The following UGGT2 variants were observed in gnomAD, a reference collection of about 807,000 sequenced individuals.
UGGT2 encodes UDP-glucose:glycoprotein glucosyltransferase 2.
A neutral mutation model predicts 192.1 loss-of-function variants in UGGT2; 180 were observed. The observed-to-expected ratio is 0.94, with a 90% CI of 0.83 to 1.06. The LOEUF (loss-of-function observed/expected upper bound fraction) is 1.06, where lower values mean the gene tolerates loss of function less well. Ranked by LOEUF, UGGT2 falls within the 50% of genes least tolerant of loss-of-function variation. The probability of loss-of-function intolerance (pLI) is 0.00; values close to 1 mark genes in which losing one functional copy is unlikely to be tolerated. For synonymous variants in UGGT2, 580 were observed against 591.0 expected, an observed-to-expected ratio of 0.98 and a Z score of 0.27; for missense variants, 1,849 against 1,795.7, an observed-to-expected ratio of 1.03 and a Z score of -0.54.
chr13:96,003,708 G>A (rs1198949419), intron 5 of UGGT2, among the ~76,000 whole-genome samples: 1 of 152,146 alleles, frequency 6.6e-6, no homozygotes, highest in Non-Finnish European at 1.5e-5. Flanking sequence ...CTATCAGCCT[G>A]AACTGCCACA....
chr13:95,966,105 T>C (rs2050571807), intron 12 of UGGT2, among the ~76,000 whole-genome samples: 1 of 152,212 alleles, frequency 6.6e-6, no homozygotes, highest in Non-Finnish European at 1.5e-5. Context: ...CTGTTTATTA[T>C]AGCACTATTC....
intron 20 of UGGT2, among the ~76,000 whole-genome samples, chr13:95,917,269 C>T (rs139848811): frequency 1.2e-4 from 18 of 152,184 alleles, no homozygotes; most frequent in African/African-American, 4.3e-4. Flanking sequence ...AAATAATTTC[C>T]AATTCATTTC....
At position 95,970,129 on chromosome 13, in the gene UGGT2, G is replaced by A. The variant is rs147244556; in HGVS notation, c.1318C>T (p.Arg440Ter). The A allele has an allele frequency of 3.1e-5, 50 of 1,607,992 alleles. No homozygotes were observed. The highest frequency in any genetic ancestry group is 9.3e-5 in the African/African-American group (7 of 74,878). The change falls in exon 12 of 39, where the codon CGA (arginine) becomes TGA (stop). Residue 440 changes from arginine to a stop codon, truncating the protein, a stop_gained. Transcript: ENST00000376747. LOFTEE classifies it high-confidence loss of function. ...GCACTTACCATTATAGAAGAATGTCGAATATCTAATACATAAGTATATTCC... is the reference window on the plus strand; with the variant it reads ...GCACTTACCATTATAGAAGAATGTCAAATATCTAATACATAAGTATATTCC... The part of the protein sequence containing the change: ...IWEYTYVLDI[R>*]HSSIMWINDL...
intron 10 of UGGT2, among the ~76,000 whole-genome samples, chr13:95,982,566 C>G (rs905152090): frequency 6.6e-6 from 1 of 152,116 alleles, no homozygotes; most frequent in African/African-American, 2.4e-5. Flanking sequence ...AAATCAGACA[C>G]CGCCTCCTCA....
intron 33 of UGGT2, among the ~76,000 whole-genome samples, chr13:95,858,777 C>T (rs1889871937): frequency 6.6e-6 from 1 of 152,088 alleles, no homozygotes; most frequent in Non-Finnish European, 1.5e-5. Flanking sequence ...ACTGTGCAAG[C>T]TAGTTACGTA....
chr13:95,995,933 A>G, intron 7 of UGGT2, 130 bp downstream of exon 7: 2 of 754,954 alleles, frequency 2.6e-6, no homozygotes, highest in East Asian at 2.7e-5. Context: ...AATAAAAACA[A>G]TCGTATGTGT....
chr13:95,915,614 A>G (rs2048657449), intron 20 of UGGT2, among the ~76,000 whole-genome samples: 1 of 152,252 alleles, frequency 6.6e-6, no homozygotes, highest in African/African-American at 2.4e-5. Context: ...AGTCAGGGTT[A>G]TAAGGACAGA....
At chr13:95,821,554 C>A (rs963559921) in intron 38 of UGGT2, among the ~76,000 whole-genome samples, 1 of 152,098 alleles carries the variant, frequency 6.6e-6, no homozygotes, top group Non-Finnish European at 1.5e-5. Flanking sequence ...ATGATTATTT[C>A]TTTTGCCATG....
chr13:95,868,471 G>A (rs998941610), intron 29 of UGGT2, among the ~76,000 whole-genome samples: 8 of 152,062 alleles, frequency 5.3e-5, no homozygotes, highest in African/African-American at 1.7e-4. Flanking sequence ...GGTGGCCAGC[G>A]CTGTGGTCCC....
At chr13:95,893,816 G>C (rs948177155) in intron 24 of UGGT2, among the ~76,000 whole-genome samples, 3 of 152,122 alleles carry the variant, frequency 2.0e-5, no homozygotes, top group African/African-American at 7.2e-5. Flanking sequence ...GAGAATATGG[G>C]CATAGAAATC....
At chr13:95,939,505 G>A (rs1311977141) in intron 16 of UGGT2, among the ~76,000 whole-genome samples, 3 of 122,164 alleles carry the variant, frequency 2.5e-5, no homozygotes, top group African/African-American at 9.2e-5. Context: ...GGCTCTTTCC[G>A]AATCTTCTGG....
chr13:95,904,827 G>A (rs1594282566), intron 20 of UGGT2, among the ~76,000 whole-genome samples: 2 of 151,694 alleles, frequency 1.3e-5, no homozygotes, highest in East Asian at 3.9e-4. Context: ...GGGATGGCTG[G>A]GTCAAATGGT....
At chr13:95,843,252 A>T (rs1027582987) in intron 36 of UGGT2, among the ~76,000 whole-genome samples, 4 of 152,224 alleles carry the variant, frequency 2.6e-5, no homozygotes, top group Non-Finnish European at 5.9e-5. Context: ...ATGTATGCGA[A>T]TTCTAGCAGG....
At chr13:95,811,143 C>T (rs1025110390) in intron 38 of UGGT2, among the ~76,000 whole-genome samples, 1 of 152,042 alleles carries the variant, frequency 6.6e-6, no homozygotes, top group Non-Finnish European at 1.5e-5. Flanking sequence ...TCCTCATATA[C>T]CTCTGGTGGA....
chr13:95,953,196 G>A (rs999881102), intron 12 of UGGT2, among the ~76,000 whole-genome samples: 1 of 152,188 alleles, frequency 6.6e-6, no homozygotes, highest in African/African-American at 2.4e-5. Context: ...TACCATCAAA[G>A]TGCAAAGCAA....
intron 30 of UGGT2, 100 bp downstream of exon 30, chr13:95,867,239 T>C (rs879031228): frequency 4.7e-5 from 50 of 1,074,284 alleles, no homozygotes; most frequent in Admixed American, 2.1e-4. Flanking sequence ...GGTTGTAAAA[T>C]TGTAAAGTTA....
intron 23 of UGGT2, among the ~76,000 whole-genome samples, 163 bp downstream of exon 23, chr13:95,895,017 T>C (rs1374025867): frequency 6.6e-6 from 1 of 152,164 alleles, no homozygotes; most frequent in African/African-American, 2.4e-5. Flanking sequence ...AGTTTTGTGA[T>C]GGTGAGTAAA....
chr13:95,832,917 G>A lies in UGGT2; in HGVS notation c.4528+10C>T. On this transcript the variant is annotated intron_variant, in intron 38 of 38. Coordinates refer to ENST00000376747, the MANE Select transcript of UGGT2 (RefSeq NM_020121.4). ...CATGTTTCAGACATCACAACACGTTGATGACTTACTTGTATCTTGCTTCTT... is the reference window on the plus strand; with the variant it reads ...CATGTTTCAGACATCACAACACGTTAATGACTTACTTGTATCTTGCTTCTT... The A allele has an allele frequency of 6.2e-7, 1 of 1,611,556 alleles. No homozygotes were observed. The highest frequency in any genetic ancestry group is 8.5e-7 in the Non-Finnish European group (1 of 1,178,444).
In UGGT2 at chr13:95,863,721, A is replaced by G. The variant is rs776109741; in HGVS notation, c.3559-7T>C. 6.2e-7 allele frequency: 1 copy of G among 1,606,768 alleles called. No homozygotes were observed. The highest frequency in any genetic ancestry group is 8.5e-7 in the Non-Finnish European group (1 of 1,173,898). The stretch of plus-strand genomic sequence containing the variant: ...TGTCTGTTTCTTTTTTCACCTAGAT[A>G]GCATGGCAAAAAAGATTAGAATTTG... On this transcript the variant is annotated splice_polypyrimidine_tract_variant and splice_region_variant and intron_variant, in intron 30 of 38. Transcript: ENST00000376747.
Sources: allele counts gnomAD v4.1 joint callset (sites outside exome capture counted in the v4.1 genomes callset), GRCh38; gene constraint gnomAD v4.1.1; transcripts MANE v1.5; gene names NCBI Gene and HGNC (gene_info 2026-07-23, HGNC 2026-07-21).